The following WASF1 variants were observed in gnomAD, a reference collection of about 807,000 sequenced individuals.
WASF1 encodes actin-binding protein WASF1.
A neutral mutation model predicts 50.5 loss-of-function variants in WASF1; 7 were observed. The ratio of observed to expected loss-of-function variants is 0.14; its 90% CI spans 0.08 to 0.26. The LOEUF is 0.26. Among genes scored for constraint, WASF1 ranks in the 10% least tolerant of loss-of-function variants. WASF1 has a pLI of 1.00. For missense variants in WASF1, 470 were observed against 694.7 expected (o/e 0.68, Z 3.64); for synonymous variants, 205 against 244.0 (o/e 0.84, Z 1.49).
At chr6:110,102,595 A>C (rs1773144080) in intron 9 of WASF1, among the ~76,000 whole-genome samples, 1 of 152,174 alleles carries the variant, frequency 6.6e-6, no homozygotes, top group African/African-American at 2.4e-5. Context: ...TGGCCAATAC[A>C]ATGCTATATT....
At chr6:110,176,152 A>C (rs1489660382) in intron 2 of WASF1, among the ~76,000 whole-genome samples, 1 of 151,782 alleles carries the variant, frequency 6.6e-6, no homozygotes, top group Non-Finnish European at 1.5e-5. Context: ...GAATGTGATA[A>C]ACTTAAAACA....
At chr6:110,150,720 A>G (rs1321496423) in intron 3 of WASF1, among the ~76,000 whole-genome samples, 2 of 152,254 alleles carry the variant, frequency 1.3e-5, no homozygotes, top group East Asian at 3.8e-4. Context: ...GGTGGTCAAC[A>G]AGGAACAAAT....
intron 3 of WASF1, among the ~76,000 whole-genome samples, chr6:110,130,276 A>G (rs188046089): frequency 6.6e-6 from 1 of 152,316 alleles, no homozygotes; most frequent in African/African-American, 2.4e-5. Context: ...TAACCCCATT[A>G]AGAAATAAAA....
At chr6:110,159,085 C>G (rs905933572) in intron 3 of WASF1, among the ~76,000 whole-genome samples, 2 of 151,914 alleles carry the variant, frequency 1.3e-5, no homozygotes, top group Non-Finnish European at 2.9e-5. Context: ...GGGATCATAT[C>G]TTACATTTCT....
At chr6:110,103,736 A>C (rs1380062490) in intron 8 of WASF1, among the ~76,000 whole-genome samples, 179 bp from the exon 9 acceptor site, 1 of 152,226 alleles carries the variant, frequency 6.6e-6, no homozygotes, top group African/African-American at 2.4e-5. Flanking sequence ...TGCTGCTCAC[A>C]ATATAACCCT....
At chr6:110,134,471 C>A (rs1251158929) in intron 3 of WASF1, among the ~76,000 whole-genome samples, 1 of 151,006 alleles carries the variant, frequency 6.6e-6, no homozygotes, top group Non-Finnish European at 1.5e-5. Context: ...GTTGCCCAGA[C>A]TGGAGTGCGG....
intron 4 of WASF1, 100 bp downstream of exon 4, chr6:110,127,369 A>T (rs1176873501): frequency 4.5e-6 from 5 of 1,102,054 alleles, no homozygotes; most frequent in Non-Finnish European, 6.1e-6. Context: ...TACTCTTCTC[A>T]CCAAATCATA....
intron 4 of WASF1, among the ~76,000 whole-genome samples, chr6:110,126,334 TG>T (rs1419126975): frequency 2.6e-5 from 4 of 152,178 alleles, no homozygotes; most frequent in Admixed American, 2.6e-4. Flanking sequence ...GACCACTGAA[TG>T]GAACAAGGAA....
intron 3 of WASF1, among the ~76,000 whole-genome samples, chr6:110,159,347 T>C (rs1231216865): frequency 1.3e-5 from 2 of 151,960 alleles, no homozygotes; most frequent in African/African-American, 2.4e-5. Context: ...AGTAAGGTTC[T>C]AGACTAAGCT....
chr6:110,155,713 C>G (rs1348164595), intron 3 of WASF1, among the ~76,000 whole-genome samples: 1 of 56,990 alleles, frequency 1.8e-5, no homozygotes, highest in Non-Finnish European at 3.4e-5. Context: ...CTCCCCCGAC[C>G]CCACCACAGT....
intron 3 of WASF1, among the ~76,000 whole-genome samples, chr6:110,143,881 G>C (rs182345721): frequency 1.2e-4 from 18 of 152,236 alleles, no homozygotes; most frequent in African/African-American, 4.3e-4. Context: ...ATTTGGGTTG[G>C]TTCCAAGTCT....
At chr6:110,139,094 G>T (rs1038170538) in intron 3 of WASF1, among the ~76,000 whole-genome samples, 1 of 152,226 alleles carries the variant, frequency 6.6e-6, no homozygotes, top group East Asian at 1.9e-4. Flanking sequence ...AGGTGGCAGG[G>T]GTTGGTGTGT....
intron 3 of WASF1, among the ~76,000 whole-genome samples, chr6:110,152,887 TCTC>T (rs986931745): frequency 3.7e-4 from 56 of 152,260 alleles, no homozygotes; most frequent in African/African-American, 1.3e-3. Context: ...CCCCAAATTT[TCTC>T]CTTTGTAATC....
At chr6:110,119,722 G>C (rs912832488) in intron 4 of WASF1, among the ~76,000 whole-genome samples, 1 of 152,098 alleles carries the variant, frequency 6.6e-6, no homozygotes, top group African/African-American at 2.4e-5. Flanking sequence ...CCAAAGCCTG[G>C]TAGAGACACA....
chr6:110,146,518 A>G, intron 3 of WASF1, among the ~76,000 whole-genome samples: 1 of 151,856 alleles, frequency 6.6e-6, no homozygotes, highest in East Asian at 1.9e-4. Context: ...TGTACATTAA[A>G]AATATATCTA....
intron 2 of WASF1, among the ~76,000 whole-genome samples, chr6:110,166,861 C>A (rs1214142927): frequency 6.6e-6 from 1 of 151,896 alleles, no homozygotes; most frequent in African/African-American, 2.4e-5. Flanking sequence ...TGGCATATAA[C>A]ACACAAAACT....
At chr6:110,150,774 G>A (rs1775786678) in intron 3 of WASF1, among the ~76,000 whole-genome samples, 2 of 152,158 alleles carry the variant, frequency 1.3e-5, no homozygotes, top group Admixed American at 6.5e-5. Context: ...AGTGGCTCAC[G>A]CCTGTAATCA....
At chr6:110,155,536 C>CTTTTTTTT (rs66645132) in intron 3 of WASF1, among the ~76,000 whole-genome samples, 16 of 45,974 alleles carry the variant, frequency 3.5e-4, no homozygotes, top group East Asian at 1.8e-3. Context: ...AAAGTGCCTT[C>CTTTTTTTT]TTTTTTTTTT....
chr6:110,146,915 T>C (rs1350949280), intron 3 of WASF1, among the ~76,000 whole-genome samples: 1 of 152,170 alleles, frequency 6.6e-6, no homozygotes, highest in Non-Finnish European at 1.5e-5. Context: ...AAAACCAATT[T>C]AGGTACTCAC....
Sources: gnomAD v4.1 joint callset for allele counts (sites outside exome capture counted in the v4.1 genomes callset) on GRCh38, gnomAD v4.1.1 for gene constraint, MANE v1.5 for transcripts, NCBI Gene and HGNC (gene_info 2026-07-23, HGNC 2026-07-21) for gene names.